LAMB4: variants seen among roughly 807,000 people sequenced by gnomAD.
LAMB4 encodes laminin subunit beta 4.
In LAMB4, 196 loss-of-function variants were observed where a neutral mutation model predicts 199.2. The ratio of observed to expected loss-of-function variants is 0.98; its 90% CI spans 0.88 to 1.11. The LOEUF (loss-of-function observed/expected upper bound fraction) is 1.11. Among genes scored for constraint, LAMB4 ranks in the 50% least tolerant of loss-of-function variants. The pLI is 0.00. For synonymous variants in LAMB4, 744 were observed against 770.6 expected, an observed-to-expected ratio of 0.97 and a Z score of 0.57; for missense variants, 2,080 against 2,171.2, an observed-to-expected ratio of 0.96 and a Z score of 0.83.
At position 108,116,063 on chromosome 7, in the gene LAMB4, CCAT is replaced by C; in HGVS notation, c.130_132del (p.Met44del). ...CTGCTCAGCCCACAGGTAGAAGAAG[CCAT>C]AAGCTGCGTGTTCCTGCCCACCAGG... On this transcript the variant is annotated inframe_deletion, in exon 3 of 34. Transcript: ENST00000388781. The C allele has an allele frequency of 6.2e-7, 1 of 1,614,056 alleles. No homozygotes were observed. The highest frequency in any genetic ancestry group is 8.5e-7 in the Non-Finnish European group (1 of 1,179,960).
intron 20 of LAMB4, among the ~76,000 whole-genome samples, chr7:108,066,128 A>G (rs1288710239): frequency 6.6e-6 from 1 of 152,230 alleles, no homozygotes; most frequent in Non-Finnish European, 1.5e-5. Context: ...CTCGATTTAC[A>G]TGTCACATTT....
chr7:108,115,532 G>A (rs1199026480), intron 3 of LAMB4, among the ~76,000 whole-genome samples: 1 of 152,116 alleles, frequency 6.6e-6, no homozygotes, highest in East Asian at 1.9e-4. Flanking sequence ...TTAGCCAGGT[G>A]TGGTGGTGCA....
intron 23 of LAMB4, chr7:108,062,517 T>C: frequency 3.5e-6 from 1 of 288,062 alleles, no homozygotes; most frequent in Non-Finnish European, 6.4e-6. Context: ...ATGTCTGTGT[T>C]TCACTGTGTA....
intron 15 of LAMB4, 104 bp downstream of exon 15, chr7:108,079,497 A>C (rs2036843081): frequency 4.9e-6 from 5 of 1,011,530 alleles, no homozygotes; most frequent in Middle Eastern, 2.2e-4. Flanking sequence ...ACTTTTTACA[A>C]ATCCTTTTCT....
intron 3 of LAMB4, among the ~76,000 whole-genome samples, chr7:108,114,197 G>A (rs1050811742): frequency 2.6e-5 from 4 of 152,128 alleles, no homozygotes; most frequent in East Asian, 1.9e-4. Context: ...TGAGGCAGAC[G>A]GATCACTTTA....
intron 25 of LAMB4, among the ~76,000 whole-genome samples, chr7:108,053,090 T>A (rs951721051): frequency 1.3e-5 from 2 of 152,154 alleles, no homozygotes; most frequent in African/African-American, 4.8e-5. Context: ...CTAACAATAA[T>A]AACAATAAAA....
the LAMB4 span, among the ~76,000 whole-genome samples, chr7:108,012,243 TATAA>T: frequency 2.6e-5 from 4 of 152,232 alleles, no homozygotes; most frequent in South Asian, 8.3e-4. Flanking sequence ...TTTCTATTTC[TATAA>T]ACAAAATATA....
chr7:108,071,323 G>C (rs2036527307), intron 17 of LAMB4, among the ~76,000 whole-genome samples: 1 of 151,382 alleles, frequency 6.6e-6, no homozygotes, highest in Non-Finnish European at 1.5e-5. Context: ...AAATGTTAGA[G>C]TTCCTCAGGG....
intron 32 of LAMB4, among the ~76,000 whole-genome samples, chr7:108,029,818 G>A (rs961488533): frequency 2.0e-5 from 3 of 151,986 alleles, no homozygotes; most frequent in Non-Finnish European, 4.4e-5. Flanking sequence ...GGAACGGGGC[G>A]AGTAGAAAGT....
intron 8 of LAMB4, 112 bp from the exon 9 acceptor site, chr7:108,104,731 TC>T: frequency 1.7e-6 from 2 of 1,186,146 alleles, no homozygotes; most frequent in Non-Finnish European, 2.3e-6. Flanking sequence ...ATCCTTAGTT[TC>T]CCATATGTTA....
rs756238518 is a variant in LAMB4 at position 108,103,188 on chromosome 7, T to A, written c.1036A>T (p.Thr346Ser). 3 of 1,594,462 alleles carry A rather than the reference T, an allele frequency of 1.9e-6. No homozygotes were observed. Residue 346 changes from threonine (T) to serine (S), a missense_variant, in exon 10 of 34, where the codon ACT becomes TCT. Coordinates refer to ENST00000388781, the MANE Select transcript of LAMB4 (RefSeq NM_007356.3). ...SHSSRCHFDM[T>S]TYLASGGLSG... ...AGGCCACCGCTTGCCAGGTACGTAGTCATGTCAAAGTGACAGCGGCTGGAG... is the reference window on the plus strand; with the variant it reads ...AGGCCACCGCTTGCCAGGTACGTAGACATGTCAAAGTGACAGCGGCTGGAG...
chr7:108,043,821 T>C lies in LAMB4; in HGVS notation c.4402A>G (p.Arg1468Gly), dbSNP rs1211793468. 3 of 1,609,884 alleles carry C rather than the reference T, an allele frequency of 1.9e-6. No homozygotes were observed. ...LQLREKLGNI[R>G]NQSDSEEENI... ...TCTTCTTCAGAGTCACTTTGGTTTC[T>C]TATATTTCCCAGTTTTTCCCTCAGC... Residue 1468 changes from arginine to glycine, a missense_variant, in exon 29 of 34, where the codon AGA becomes GGA. By Grantham distance (125) the Arg-to-Gly change is moderately radical (BLOSUM62 -2). Transcript: ENST00000388781.
intron 9 of LAMB4, 123 bp downstream of exon 9, chr7:108,104,376 A>G: frequency 1.8e-6 from 2 of 1,095,630 alleles, no homozygotes; most frequent in Non-Finnish European, 2.6e-6. Context: ...ATCACACTAT[A>G]GGAGCTGGGA....
intron 14 of LAMB4, among the ~76,000 whole-genome samples, chr7:108,085,452 A>G (rs1181612833): frequency 6.6e-6 from 1 of 152,214 alleles, no homozygotes; most frequent in African/African-American, 2.4e-5. Context: ...ATATCTTTAC[A>G]TAGAATGACA....
At chr7:108,112,049 G>T in intron 3 of LAMB4, 103 bp from the exon 4 acceptor site, 2 of 877,142 alleles carry the variant, frequency 2.3e-6, no homozygotes, top group Non-Finnish European at 3.3e-6. Flanking sequence ...TTCCAAACTG[G>T]CTAAAAATAA....
intron 29 of LAMB4, among the ~76,000 whole-genome samples, chr7:108,042,935 C>CTGTGTGTGTGTG (rs1435500482): frequency 1.8e-5 from 2 of 108,966 alleles, no homozygotes; most frequent in African/African-American, 1.2e-4. Context: ...CTCTCTCAAT[C>CTGTGTGTGTGTG]TCTGTGTGTG....
intron 23 of LAMB4, 93 bp downstream of exon 23, chr7:108,062,681 A>T: frequency 1.5e-6 from 1 of 674,480 alleles, no homozygotes; most frequent in Non-Finnish European, 2.2e-6. Context: ...AATTAACAAC[A>T]GTACATAAAA....
chr7:108,083,973 C>A (rs1047206821), intron 14 of LAMB4, among the ~76,000 whole-genome samples: 1 of 152,208 alleles, frequency 6.6e-6, no homozygotes, highest in Non-Finnish European at 1.5e-5. Flanking sequence ...ATTATCATAA[C>A]TATAGGGCTG....
chr7:108,086,499 A>G (rs2037182158), intron 14 of LAMB4, among the ~76,000 whole-genome samples: 1 of 152,180 alleles, frequency 6.6e-6, no homozygotes, highest in South Asian at 2.1e-4. Context: ...ACTATTTTGT[A>G]TTCTTCTCTT....
Sources: allele counts gnomAD v4.1 joint callset (sites outside exome capture counted in the v4.1 genomes callset), GRCh38; gene constraint gnomAD v4.1.1; transcripts MANE v1.5; gene names NCBI Gene and HGNC (gene_info 2026-07-23, HGNC 2026-07-21).